Variants in SKIC2 observed in about 807,000 individuals in gnomAD.
SKIC2 encodes the protein superkiller complex protein 2.
At chr6:31,963,991 C>T in the SKIC2 span, 18 of 1,612,474 alleles carry the variant, frequency 1.1e-5, no homozygotes, top group Middle Eastern at 1.6e-4. This position sits in a 1 kb window ranked among gnomAD's most constrained non-coding sequence, Gnocchi z 5.3. Context: ...CACCTTCTCC[C>T]GGGGCCGCTG....
the SKIC2 span, chr6:31,961,170 G>A: frequency 6.2e-7 from 1 of 1,613,250 alleles, no homozygotes; most frequent in Non-Finnish European, 8.5e-7. Flanking sequence ...ACATGACAAG[G>A]TTGACCTTGT....
chr6:31,963,991 C>CG, the SKIC2 span: 1 of 1,612,592 alleles, frequency 6.2e-7, no homozygotes, highest in South Asian at 1.1e-5. The surrounding 1 kb of genome is among the most constrained non-coding windows in gnomAD (Gnocchi z 5.3). Flanking sequence ...CACCTTCTCC[C>CG]GGGGCCGCTG....
chr6:31,967,521 TCAC>T, the SKIC2 span: 29 of 799,064 alleles, frequency 3.6e-5, no homozygotes, highest in Non-Finnish European at 5.0e-5. The surrounding 1 kb of genome is among the most constrained non-coding windows in gnomAD (Gnocchi z 4.9). Context: ...TCCCTTCCCA[TCAC>T]CACATCATGC....
the SKIC2 span, chr6:31,968,118 GGGCACGTAGA>G: frequency 6.2e-7 from 1 of 1,611,678 alleles, no homozygotes; most frequent in Non-Finnish European, 8.5e-7. This position sits in a 1 kb window ranked among gnomAD's most constrained non-coding sequence, Gnocchi z 6.1. Context: ...TCCTCCAGAG[GGGCACGTAGA>G]GGCAGGGAGG....
At chr6:31,961,992 A>G in the SKIC2 span, 40 of 1,613,052 alleles carry the variant, frequency 2.5e-5, no homozygotes, top group Non-Finnish European at 3.2e-5. Flanking sequence ...CAGCTCACAC[A>G]TCTGCAGGAA....
chr6:31,964,389 C>T, the SKIC2 span: 1 of 1,460,998 alleles, frequency 6.8e-7, no homozygotes, highest in African/African-American at 1.4e-5. The surrounding 1 kb of genome is among the most constrained non-coding windows in gnomAD (Gnocchi z 5.0). Flanking sequence ...TTGTTGCCCA[C>T]TTAGGGGCTG....
the SKIC2 span, chr6:31,967,413 G>T: frequency 1.3e-6 from 2 of 1,510,428 alleles, no homozygotes; most frequent in African/African-American, 2.7e-5. The surrounding 1 kb of genome is among the most constrained non-coding windows in gnomAD (Gnocchi z 4.9). Context: ...CAGAGGGTGG[G>T]AGGGAGCAAG....
chr6:31,961,957 G>C, the SKIC2 span: 1 of 1,613,030 alleles, frequency 6.2e-7, no homozygotes, highest in Admixed American at 1.7e-5. Flanking sequence ...CCTGCACTTG[G>C]AACGGCATGA....
At chr6:31,966,742 C>T in the SKIC2 span, 3 of 1,614,196 alleles carry the variant, frequency 1.9e-6, no homozygotes, top group East Asian at 2.2e-5. The surrounding 1 kb of genome is among the most constrained non-coding windows in gnomAD (Gnocchi z 5.9). Flanking sequence ...CCAGTTCCGC[C>T]TCACGTACAC....
chr6:31,969,361 T>C, the SKIC2 span: 1 of 1,613,880 alleles, frequency 6.2e-7, no homozygotes, highest in Non-Finnish European at 8.5e-7. This position sits in a 1 kb window ranked among gnomAD's most constrained non-coding sequence, Gnocchi z 6.1. Flanking sequence ...GGTGGAGGAA[T>C]TTGTGGGGGA....
the SKIC2 span, chr6:31,967,101 G>C: frequency 2.5e-6 from 4 of 1,612,564 alleles, no homozygotes; most frequent in African/African-American, 1.3e-5. The surrounding 1 kb of genome is among the most constrained non-coding windows in gnomAD (Gnocchi z 4.9). Flanking sequence ...GAATATTACA[G>C]CTGGGGGGAG....
At chr6:31,963,784 CT>C in the SKIC2 span, 62 of 1,509,638 alleles carry the variant, frequency 4.1e-5, no homozygotes, top group Middle Eastern at 3.5e-4. This position sits in a 1 kb window ranked among gnomAD's most constrained non-coding sequence, Gnocchi z 5.3. Context: ...TTCCTCCTAT[CT>C]TTTTTTTCCC....
chr6:31,959,393 A>G, the SKIC2 span: 1 of 1,611,424 alleles, frequency 6.2e-7, no homozygotes, highest in Admixed American at 1.7e-5. Flanking sequence ...GGAGCTCCAG[A>G]GAGTAGCGTG....
chr6:31,964,192 C>T, the SKIC2 span: 39 of 1,607,754 alleles, frequency 2.4e-5, no homozygotes, highest in Middle Eastern at 3.3e-4. The surrounding 1 kb of genome is among the most constrained non-coding windows in gnomAD (Gnocchi z 5.0). Context: ...TAGGGTGTTC[C>T]GAGACTCCAT....
chr6:31,961,430 C>A, the SKIC2 span: 1 of 1,525,314 alleles, frequency 6.6e-7, no homozygotes. Context: ...GCCTTGCCAC[C>A]AGGATGTGGG....
the SKIC2 span, chr6:31,963,603 C>T: frequency 3.3e-6 from 5 of 1,531,120 alleles, no homozygotes; most frequent in Non-Finnish European, 4.4e-6. The surrounding 1 kb of genome is among the most constrained non-coding windows in gnomAD (Gnocchi z 5.3). Context: ...GGGCCCCCAG[C>T]TGGACATTGT....
chr6:31,963,221 C>T, the SKIC2 span: 1 of 806,018 alleles, frequency 1.2e-6, no homozygotes, highest in African/African-American at 1.7e-5. This position sits in a 1 kb window ranked among gnomAD's most constrained non-coding sequence, Gnocchi z 5.3. Flanking sequence ...ACATGTCCCA[C>T]CTGGTGGCTG....
At chr6:31,959,272 C>G in the SKIC2 span, 4 of 1,607,682 alleles carry the variant, frequency 2.5e-6, no homozygotes, top group Non-Finnish European at 3.4e-6. Context: ...AACTTTGACC[C>G]CTGACTTTTG....
the SKIC2 span, chr6:31,961,304 G>C: frequency 1.2e-6 from 2 of 1,601,086 alleles, no homozygotes; most frequent in Admixed American, 1.8e-5. Flanking sequence ...CAGCCAGGAG[G>C]TCCCAGAGGG....
Sources: gnomAD v4.1 joint callset for allele counts on GRCh38, gnomAD v4.1.1 for gene constraint, Gnocchi (gnomAD v3.1) non-coding constraint, MANE v1.5 for transcripts, NCBI Gene and HGNC (gene_info 2026-07-23, HGNC 2026-07-21) for gene names.